Variants in NRG1 observed in about 807,000 individuals in gnomAD.
NRG1 encodes pro-neuregulin-1, membrane-bound isoform.
Under a neutral mutation model 63.8 loss-of-function variants are expected in NRG1, and 18 were observed. That is an observed-to-expected ratio of 0.28 (90% CI 0.19 to 0.42). The LOEUF is 0.42. NRG1 is among the 10% of genes least tolerant of loss of function. The pLI is 1.00. For missense variants in NRG1, 762 were observed against 814.7 expected (o/e 0.94, Z 0.79); for synonymous variants, 302 against 301.3 (o/e 1.00, Z -0.02).
intron 1 of NRG1, among the ~76,000 whole-genome samples, chr8:31,776,002 T>G (rs1819096946): frequency 6.6e-6 from 1 of 152,184 alleles, no homozygotes. Context: ...ATGTGTCTGA[T>G]GCTGTCTTCT....
intron 1 of NRG1, among the ~76,000 whole-genome samples, chr8:32,170,026 G>C (rs1001289642): frequency 6.6e-6 from 1 of 152,300 alleles, no homozygotes; most frequent in Non-Finnish European, 1.5e-5. Flanking sequence ...ACAGGCAGTG[G>C]TCAGAATTAT....
At position 32,035,105 on chromosome 8, in the gene NRG1, A is replaced by ACATTTC. The variant is rs1353833764; in HGVS notation, c.37+395676_37+395677insTTTCCA. On this transcript the variant is annotated intron_variant, in intron 1 of 10. Transcript: ENST00000519301. ...TTTAGTGGTATACATTTCCCTCTTAACACTGCTTTAGCTGTGTCCCAGATA... is the reference window on the plus strand; with the variant it reads ...TTTAGTGGTATACATTTCCCTCTTAACATTTCCACTGCTTTAGCTGTGTCCCAGATA... 2.6e-5 allele frequency among the ~76,000 whole-genome samples: 4 copies of ACATTTC among 152,014 alleles called. No homozygotes were observed. The East Asian group carries it at 5.8e-4, about 22-fold the overall frequency.
At chr8:31,697,667 C>A (rs189499346) in intron 1 of NRG1, among the ~76,000 whole-genome samples, 154 of 152,222 alleles carry the variant, frequency 1.0e-3, no homozygotes, top group African/African-American at 3.5e-3. Flanking sequence ...CATTTAGTTG[C>A]AGACCTAAGC....
intron 1 of NRG1, among the ~76,000 whole-genome samples, chr8:32,176,718 C>T (rs1399642243): frequency 7.2e-5 from 11 of 152,134 alleles, no homozygotes; most frequent in Non-Finnish European, 1.3e-4. Flanking sequence ...CCAAAAGACA[C>T]ATGAAAAAAT....
intron 1 of NRG1, among the ~76,000 whole-genome samples, chr8:31,984,578 C>T (rs896073192): frequency 6.6e-6 from 1 of 152,054 alleles, no homozygotes. Context: ...TGTGTCTGGA[C>T]ACTGGAGAGA....
chr8:32,242,129 T>C (rs759626536), intron 1 of NRG1, among the ~76,000 whole-genome samples: 49 of 152,056 alleles, frequency 3.2e-4, no homozygotes, highest in Admixed American at 3.1e-3. Context: ...AGTTTCCCCA[T>C]ATGTAAAAAG....
intron 1 of NRG1, among the ~76,000 whole-genome samples, chr8:31,767,504 G>T (rs1818185566): frequency 6.6e-6 from 1 of 152,090 alleles, no homozygotes; most frequent in East Asian, 1.9e-4. Flanking sequence ...CTGTGTTTGT[G>T]TATTTTCACC....
At chr8:31,869,108 T>G (rs778692857) in intron 1 of NRG1, among the ~76,000 whole-genome samples, 1 of 152,220 alleles carries the variant, frequency 6.6e-6, no homozygotes, top group African/African-American at 2.4e-5. Flanking sequence ...AAGGCTGGGA[T>G]AGAGGTTAAT....
rs138308369 is a variant in NRG1 at position 32,022,721 on chromosome 8, G to A, written c.37+383290G>A. ...AGTCCTTAGATAAAAAATAATTGTA[G>A]CTCAAGACCTCATAATTGTATATAT... On this transcript the variant is annotated intron_variant, in intron 1 of 10. Transcript: ENST00000519301. Among the ~76,000 whole-genome samples the A allele has an allele frequency of 8.5e-4, 130 of 152,164 alleles. 4 individuals are homozygous for A. In the East Asian group the frequency reaches 0.024, roughly 28 times the overall value.
intron 5 of NRG1, among the ~76,000 whole-genome samples, chr8:32,651,450 T>G (rs1855105627): frequency 6.6e-6 from 1 of 152,158 alleles, no homozygotes; most frequent in Non-Finnish European, 1.5e-5. Flanking sequence ...GCTTTAAAAT[T>G]TTTCCTACCC....
intron 1 of NRG1, among the ~76,000 whole-genome samples, chr8:31,956,623 C>CA (rs1199143461): frequency 5.7e-4 from 83 of 146,278 alleles, no homozygotes; most frequent in Middle Eastern, 3.6e-3. Flanking sequence ...GACTCCGTCT[C>CA]AAAAAAAAAA....
intron 5 of NRG1, among the ~76,000 whole-genome samples, chr8:32,626,146 A>C (rs1010402913): frequency 6.6e-6 from 1 of 152,096 alleles, no homozygotes; most frequent in Non-Finnish European, 1.5e-5. Context: ...AGGTCCTACT[A>C]TATTTCAGCA....
chr8:32,291,342 C>T (rs543907271), intron 1 of NRG1, among the ~76,000 whole-genome samples: 1 of 152,254 alleles, frequency 6.6e-6, no homozygotes, highest in African/African-American at 2.4e-5. Flanking sequence ...TCCTGGCATA[C>T]ACTGTGAAAC....
intron 1 of NRG1, among the ~76,000 whole-genome samples, chr8:32,397,524 CAA>C (rs58798252): frequency 4.9e-4 from 68 of 139,226 alleles, no homozygotes; most frequent in African/African-American, 1.3e-3. Context: ...GACTTAACAT[CAA>C]AAAAAAAAAA....
intron 1 of NRG1, among the ~76,000 whole-genome samples, chr8:32,555,993 C>T (rs1468174419): frequency 6.6e-6 from 1 of 152,174 alleles, no homozygotes; most frequent in Non-Finnish European, 1.5e-5. Flanking sequence ...CCTTTCATTC[C>T]ACAGCTTTGA....
intron 1 of NRG1, among the ~76,000 whole-genome samples, chr8:31,650,472 T>A (rs1804725485): frequency 1.3e-5 from 2 of 152,146 alleles, no homozygotes; most frequent in South Asian, 4.1e-4. Context: ...AACCCTCCTG[T>A]TTTTACATAT....
chr8:31,866,258 G>A (rs1457353824), intron 1 of NRG1, among the ~76,000 whole-genome samples: 1 of 152,130 alleles, frequency 6.6e-6, no homozygotes, highest in African/African-American at 2.4e-5. Flanking sequence ...TCTGTGACAG[G>A]CAGTTGAGAG....
chr8:31,743,145 C>T (rs184710028), intron 1 of NRG1, among the ~76,000 whole-genome samples: 11 of 152,062 alleles, frequency 7.2e-5, no homozygotes, highest in African/African-American at 2.4e-4. Flanking sequence ...TGCCTTCTTG[C>T]GGTCTTGCAA....
chr8:32,100,188 AAAAACAAAAC>A (rs984380750), intron 1 of NRG1, among the ~76,000 whole-genome samples: 5 of 151,996 alleles, frequency 3.3e-5, no homozygotes, highest in Non-Finnish European at 5.9e-5. Context: ...TAAAGTCTTA[AAAAACAAAAC>A]AAAACAAAAC....
Sources: allele counts gnomAD v4.1 joint callset (sites outside exome capture counted in the v4.1 genomes callset), GRCh38; gene constraint gnomAD v4.1.1; transcripts MANE v1.5; gene names NCBI Gene and HGNC (gene_info 2026-07-23, HGNC 2026-07-21).